Variants in SH3BP1 observed in about 807,000 individuals in gnomAD.
SH3BP1 encodes the protein SH3 domain-binding protein 1.
Under a neutral mutation model 69.8 loss-of-function variants are expected in SH3BP1, and 46 were observed. The ratio of observed to expected loss-of-function variants is 0.66; its 90% CI spans 0.52 to 0.84. The LOEUF (loss-of-function observed/expected upper bound fraction) is 0.84, where lower values mean the gene tolerates loss of function less well. SH3BP1 is among the 40% of genes least tolerant of loss of function. The pLI, the probability that SH3BP1 is intolerant of heterozygous loss-of-function variation, is 0.00. For synonymous variants in SH3BP1, 403 were observed against 378.0 expected (o/e 1.07, Z -0.77); for missense variants, 868 against 930.9 (o/e 0.93, Z 0.88).
intron 1 of SH3BP1, 73 bp downstream of exon 1, chr22:37,639,919 A>T: frequency 1.2e-6 from 1 of 831,920 alleles, no homozygotes; most frequent in Non-Finnish European, 1.8e-6. Flanking sequence ...GTCGGGGGAG[A>T]CGGGGGTGGG....
At chr22:37,649,764 A>G in intron 14 of SH3BP1, 1 of 285,758 alleles carries the variant, frequency 3.5e-6, no homozygotes, top group South Asian at 3.2e-5. Context: ...AGCCTGGGTG[A>G]GAGAGCAAGA....
In SH3BP1 at chr22:37,656,098, T is replaced by G; in HGVS notation, c.*414T>G. ...TGTCCTTGAAATAAAGAAGCCAATTTTATAAAGGGGAAAACAATACATATT... is the reference window on the plus strand; with the variant it reads ...TGTCCTTGAAATAAAGAAGCCAATTGTATAAAGGGGAAAACAATACATATT... On this transcript the variant is annotated 3_prime_UTR_variant, in exon 18 of 18. Coordinates refer to ENST00000649765, the MANE Select transcript of SH3BP1 (RefSeq NM_018957.6). The G allele has an allele frequency of 8.1e-7, 1 of 1,239,052 alleles. No individual in the cohort carries two copies. Among genetic ancestry groups the G allele is most frequent in the South Asian group, 1.3e-5 (1 of 79,954 alleles). 76.8% of individuals were successfully genotyped at this position (1,239,052 alleles called of 1,614,324 possible).
intron 7 of SH3BP1, 28 bp downstream of exon 7, chr22:37,643,816 T>C (rs776105820): frequency 5.6e-6 from 9 of 1,609,868 alleles, no homozygotes; most frequent in Non-Finnish European, 7.6e-6. Flanking sequence ...CCCCTGGATA[T>C]GTAGGGGTGG....
At chr22:37,640,176 TG>T (rs1932531708) in intron 1 of SH3BP1, among the ~76,000 whole-genome samples, 1 of 152,106 alleles carries the variant, frequency 6.6e-6, no homozygotes, top group Non-Finnish European at 1.5e-5. Flanking sequence ...TGACCTCACT[TG>T]TCCCCTCTGG....
rs139958398 is a variant in SH3BP1 at position 37,650,672 on chromosome 22, G to A, written c.1545G>A (p.Pro515=). The A allele has an allele frequency of 8.4e-5, 136 of 1,613,718 alleles. No individual in the cohort carries two copies. The highest frequency in any genetic ancestry group is 6.5e-4 in the African/African-American group (49 of 75,040). ...CAGCCACCACCCCGGCTCCGGCTCC[G>A]GCTCCAGCTCCAGCTCCGGCCCCAG... is the stretch of plus-strand genomic sequence containing the variant. ...PTPATTPAPA[P]APAPAPAPAL... The change falls in exon 16 of 18, where the codon CCG becomes CCA. Residue 515 remains proline, a synonymous_variant. Coordinates refer to ENST00000649765, the MANE Select transcript of SH3BP1 (RefSeq NM_018957.6).
chr22:37,654,039 G>A (rs1314012462), intron 17 of SH3BP1, among the ~76,000 whole-genome samples, 166 bp downstream of exon 17: 2 of 152,188 alleles, frequency 1.3e-5, no homozygotes, highest in Non-Finnish European at 2.9e-5. Context: ...ATTTGACCTT[G>A]GGCAGGTGAG....
At position 37,653,921 on chromosome 22, in the gene SH3BP1, G is replaced by A. The variant is rs372076742; in HGVS notation, c.1693+48G>A. Reference sequence around the variant, plus strand: ...GGAGGGGACAGAGGGTGGGCGGGGAGAGGGGACAGGCAGTCCCAGGTCCTC... The same window carrying A: ...GGAGGGGACAGAGGGTGGGCGGGGAAAGGGGACAGGCAGTCCCAGGTCCTC... On this transcript the variant is annotated intron_variant, in intron 17 of 17. Transcript: ENST00000649765. The A allele has an allele frequency of 3.3e-6, 4 of 1,199,328 alleles. No homozygotes were observed. The African/African-American group carries it at 6.0e-5, about 18-fold the overall frequency. The allele number at this position is 1,199,328 out of a possible 1,614,324, so 74.3% of individuals were successfully genotyped here.
rs1932851008 is a variant in SH3BP1 at position 37,650,198 on chromosome 22, G to A, written c.1363G>A (p.Val455Met). The stretch of plus-strand genomic sequence containing the variant: ...AGCCTCCGTGTCTTCCATCCAGGTG[G>A]TGGGCGTCGTCGAGGCGCTGATCCA... ...DAASVSSIQVVGVVEALIQSA... is the reference protein window; with the variant it reads ...DAASVSSIQVMGVVEALIQSA... Residue 455 changes from valine to methionine, a missense_variant, in exon 15 of 18, where the codon GTG becomes ATG. Around this residue, in one of 3 missense-constraint regions of SH3BP1, gnomAD observed 474 missense variants for 462.3 expected, o/e 1.03. Coordinates refer to ENST00000649765, the MANE Select transcript of SH3BP1 (RefSeq NM_018957.6). The A allele has an allele frequency of 6.2e-7, 1 of 1,613,918 alleles. No individual in the cohort carries two copies. The highest frequency in any genetic ancestry group is 8.5e-7 in the Non-Finnish European group (1 of 1,180,010).
intron 14 of SH3BP1, 70 bp from the exon 15 acceptor site, chr22:37,650,082 C>T (rs901867280): frequency 3.9e-6 from 6 of 1,544,462 alleles, no homozygotes; most frequent in Non-Finnish European, 5.4e-6. Context: ...TCTCCATTGC[C>T]CAGCACAGAG....
In SH3BP1 at chr22:37,645,441, G is replaced by A; in HGVS notation, c.855G>A (p.Leu285=). The A allele has an allele frequency of 1.2e-6, 2 of 1,613,942 alleles. No homozygotes were observed. The highest frequency in any genetic ancestry group is 1.7e-5 in the Admixed American group (1 of 60,028). ...GVSLATHLQE[L]GREIALPIEA... ...CGCTGGCAACCCACCTGCAAGAGCT[G>A]GGCCGGGAGATTGCCCTGCCCATCG... Residue 285 remains leucine (L), a synonymous_variant, in exon 10 of 18, where the codon CTG becomes CTA. Transcript: ENST00000649765.
chr22:37,655,515 C>T lies in SH3BP1; in HGVS notation c.1937C>T (p.Ser646Phe), dbSNP rs1401908853. ...TCACCAGCCTCCCCCAGCCCGGCCT[C>T]CCCAGGTCCAGCCTCCCCCAGCCCA... ...RRSPASPSPA[S>F]PGPASPSPVS... The change falls in exon 18 of 18, where the codon TCC (serine) becomes TTC (phenylalanine). Residue 646 changes from serine to phenylalanine, a missense_variant. Physicochemically the swap from Ser to Phe is radical, Grantham distance 155. Coordinates refer to ENST00000649765, the MANE Select transcript of SH3BP1 (RefSeq NM_018957.6). 6.3e-7 allele frequency: 1 copy of T among 1,582,408 alleles called. No individual in the cohort carries two copies. Among genetic ancestry groups the T allele is most frequent in the Non-Finnish European group, 8.6e-7 (1 of 1,165,794 alleles).
chr22:37,643,200 C>T (rs760131698), intron 6 of SH3BP1, 26 bp downstream of exon 6: 1 of 1,585,950 alleles, frequency 6.3e-7, no homozygotes, highest in East Asian at 2.3e-5. Context: ...GCTCAGGGGG[C>T]TCATATCTGG....
chr22:37,647,648 C>G (rs1435104754), intron 13 of SH3BP1, 127 bp downstream of exon 13: 1 of 557,392 alleles, frequency 1.8e-6, no homozygotes, highest in African/African-American at 2.0e-5. Flanking sequence ...GAAAATGCAG[C>G]TTTGATGGAT....
intron 13 of SH3BP1, 95 bp from the exon 14 acceptor site, chr22:37,648,224 G>T (rs1324799402): frequency 1.2e-6 from 1 of 814,828 alleles, no homozygotes. Flanking sequence ...GACCATTCTG[G>T]GCGGTGTCTT....
chr22:37,648,693 T>A, intron 14 of SH3BP1: 1 of 343,770 alleles, frequency 2.9e-6, no homozygotes. Context: ...AGCCCAGAGA[T>A]CGGGTTCTTT....
In SH3BP1 at chr22:37,642,604, T is replaced by G; in HGVS notation, c.273T>G (p.Asp91Glu). 6.2e-7 allele frequency: 1 copy of G among 1,613,288 alleles called. No individual in the cohort carries two copies. Among genetic ancestry groups the G allele is most frequent in the Non-Finnish European group, 8.5e-7 (1 of 1,179,968 alleles). ...MAESFKELDP[D>E]SSMGKALEMS... ...AGAGCTTCAAGGAGCTGGACCCTGATTCCAGCATGGGGTGAGCACAGACGG... is the reference window on the plus strand; with the variant it reads ...AGAGCTTCAAGGAGCTGGACCCTGAGTCCAGCATGGGGTGAGCACAGACGG... The change falls in exon 4 of 18, where the codon GAT becomes GAG. Residue 91 changes from aspartate (D) to glutamate (E), a missense_variant. By Grantham distance (45) the Asp-to-Glu change is conservative (BLOSUM62 2). Around this residue, in one of 3 missense-constraint regions of SH3BP1, gnomAD observed 387 missense variants for 447.9 expected, o/e 0.86. Transcript: ENST00000649765.
intron 13 of SH3BP1, among the ~76,000 whole-genome samples, chr22:37,648,085 A>G (rs1393568102): frequency 6.6e-6 from 1 of 152,238 alleles, no homozygotes; most frequent in Non-Finnish European, 1.5e-5. Context: ...ACTCAGCGTC[A>G]TCATCTGGAA....
intron 9 of SH3BP1, 31 bp downstream of exon 9, chr22:37,644,991 C>G: frequency 1.3e-6 from 2 of 1,586,456 alleles, no homozygotes; most frequent in Non-Finnish European, 1.7e-6. Context: ...ATACCACACC[C>G]CTGACCCTGC....
In SH3BP1 at chr22:37,642,570, C is replaced by G; in HGVS notation, c.239C>G (p.Thr80Arg). Residue 80 changes from threonine (T) to arginine (R), a missense_variant, in exon 4 of 18, where the codon ACG becomes AGG. Physicochemically the swap from Thr to Arg is moderately conservative, Grantham distance 71 (BLOSUM62 -1). Coordinates refer to ENST00000649765, the MANE Select transcript of SH3BP1 (RefSeq NM_018957.6). Reference sequence around the variant, plus strand: ...CTTCCCCTCATGGCTCTGTCCACCACGATGGCTGAGAGCTTCAAGGAGCTG... The same window carrying G: ...CTTCCCCTCATGGCTCTGTCCACCAGGATGGCTGAGAGCTTCAAGGAGCTG... ...KKLPLMALST[T>R]MAESFKELDP... 2 of 1,613,386 alleles carry G rather than the reference C, an allele frequency of 1.2e-6. No homozygotes were observed. The highest frequency in any genetic ancestry group is 2.2e-5 in the East Asian group (1 of 44,870).
Sources: gnomAD v4.1 joint callset for allele counts (sites outside exome capture counted in the v4.1 genomes callset) on GRCh38, gnomAD v4.1.1 for gene constraint, gnomAD v4.1.1 regional missense constraint, MANE v1.5 for transcripts, NCBI Gene and HGNC (gene_info 2026-07-23, HGNC 2026-07-21) for gene names.